Variants in RHOBTB2 observed in about 807,000 individuals in gnomAD.
The protein encoded by RHOBTB2 is Rho related BTB domain containing 2.
A neutral mutation model predicts 66.5 loss-of-function variants in RHOBTB2; 39 were observed. That is an observed-to-expected ratio of 0.59 (90% CI 0.45 to 0.77). The LOEUF is 0.77. Ranked by LOEUF, RHOBTB2 falls within the 30% of genes least tolerant of loss-of-function variation. The pLI, the probability that RHOBTB2 is intolerant of heterozygous loss-of-function variation, is 0.00. For missense variants in RHOBTB2, 755 were observed against 999.1 expected, an observed-to-expected ratio of 0.76 and a Z score of 3.29; for synonymous variants, 390 against 395.0, an observed-to-expected ratio of 0.99 and a Z score of 0.15.
chr8:22,978,993 T>C, the RHOBTB2 span, among the ~76,000 whole-genome samples: 1 of 152,216 alleles, frequency 6.6e-6, no homozygotes, highest in Non-Finnish European at 1.5e-5. Flanking sequence ...TTCCCATCTT[T>C]ATTAGAATCT....
At chr8:22,951,904 A>C in the RHOBTB2 span, among the ~76,000 whole-genome samples, 2 of 152,156 alleles carry the variant, frequency 1.3e-5, no homozygotes, top group Non-Finnish European at 2.9e-5. Flanking sequence ...TGTTTTTAGT[A>C]GAGACAGGGT....
the RHOBTB2 span, among the ~76,000 whole-genome samples, chr8:22,978,596 T>TA: frequency 1.3e-5 from 2 of 151,460 alleles, no homozygotes; most frequent in Admixed American, 6.6e-5. Context: ...TAGTTTTTTT[T>TA]ATGTTTGCAA....
At chr8:22,968,583 G>A in the RHOBTB2 span, among the ~76,000 whole-genome samples, 1 of 152,102 alleles carries the variant, frequency 6.6e-6, no homozygotes, top group South Asian at 2.1e-4. Flanking sequence ...AGTTAATGGA[G>A]TGTAGAGGGG....
At chr8:22,983,986 A>T (rs1810252876), upstream of RHOBTB2, among the ~76,000 whole-genome samples, 1 of 152,150 alleles carries the variant, frequency 6.6e-6, no homozygotes, top group South Asian at 2.1e-4. Flanking sequence ...CACCTGCCTC[A>T]ACCTCCCAAA....
At chr8:22,978,448 C>T in the RHOBTB2 span, among the ~76,000 whole-genome samples, 2 of 148,654 alleles carry the variant, frequency 1.3e-5, no homozygotes, top group African/African-American at 5.0e-5. Context: ...GATGGTGCCA[C>T]TGCACTCCAG....
chr8:22,956,552 A>G, the RHOBTB2 span, among the ~76,000 whole-genome samples: 1 of 152,156 alleles, frequency 6.6e-6, no homozygotes, highest in African/African-American at 2.4e-5. Context: ...AGGCCTCCCC[A>G]GAAGCCAAGC....
chr8:22,956,044 C>G, the RHOBTB2 span, among the ~76,000 whole-genome samples: 3 of 152,204 alleles, frequency 2.0e-5, no homozygotes, highest in Non-Finnish European at 4.4e-5. Context: ...CCCCTCAACC[C>G]ACCCCTGTGA....
upstream of RHOBTB2, chr8:22,994,693 C>A: frequency 2.1e-6 from 3 of 1,426,314 alleles, no homozygotes; most frequent in East Asian, 2.5e-5. Context: ...ATTCATCCAT[C>A]GAGCATTTAT....
intron 9 of RHOBTB2, among the ~76,000 whole-genome samples, chr8:23,016,758 T>C (rs1397664734): frequency 6.6e-6 from 1 of 152,164 alleles, no homozygotes; most frequent in Non-Finnish European, 1.5e-5. Flanking sequence ...CACTCCCTGC[T>C]TCCAGACCTT....
At position 23,005,860 on chromosome 8, in the gene RHOBTB2, C is replaced by T. The variant is rs1810931719; in HGVS notation, c.297-100C>T. 23 of 1,077,236 alleles carry T rather than the reference C, an allele frequency of 2.1e-5. 1 individual carries two copies. The South Asian group carries it at 3.4e-4, about 16-fold the overall frequency. The allele number at this position is 1,077,236 out of a possible 1,614,324, so 66.7% of individuals were successfully genotyped here. On this transcript the variant is annotated intron_variant, in intron 3 of 9. Coordinates refer to ENST00000251822, the MANE Select transcript of RHOBTB2 (RefSeq NM_015178.3). ...AGAGCACGTGAGCAGATACCTAAGC[C>T]AGGTGTGGGACTGTACAGGGCTGGG...
chr8:22,999,658 A>C lies in RHOBTB2; in HGVS notation c.-458A>C, dbSNP rs1384781557. ...CCCTATCCTTTTTTTGTGAATGAAA[A>C]AAGGAGGTCGCGAGCGGTACCTGGG... On this transcript the variant is annotated 5_prime_UTR_variant, in exon 1 of 10. Coordinates refer to ENST00000251822, the MANE Select transcript of RHOBTB2 (RefSeq NM_015178.3). The C allele has an allele frequency of 3.2e-6, 4 of 1,246,982 alleles. No individual in the cohort carries two copies. The Admixed American group carries it at 7.9e-5, about 25-fold the overall frequency. The allele number at this position is 1,246,982 out of a possible 1,614,324, so 77.2% of individuals were successfully genotyped here.
rs577843504 is a variant in RHOBTB2, at chr8:23,008,227, A to G, written c.1620+116A>G. ...CTGACTGTGTGCTAACCACAGGGTG[A>G]TGGGCCCAAGAGAGGTTTATGAGGT... On this transcript the variant is annotated intron_variant, in intron 6 of 9. Transcript: ENST00000251822. 10 of 732,514 alleles carry G rather than the reference A, an allele frequency of 1.4e-5. No individual in the cohort carries two copies. In the African/African-American group the frequency reaches 1.6e-4, roughly 12 times the overall value. The allele number at this position is 732,514 out of a possible 1,614,324, so 45.4% of individuals were successfully genotyped here. A position where few individuals can be genotyped will look rare whatever the true frequency, so the allele number is the denominator to read the frequency against.
In RHOBTB2 at chr8:23,006,211, C is replaced by G; in HGVS notation, c.482+66C>G. ...GCCTCACCATGGCTCCCTGCTCAGC[C>G]CTGGGGGAATTCCACTGAGCCTCAT... On this transcript the variant is annotated intron_variant, in intron 4 of 9. Transcript: ENST00000251822. This position sits in a 1 kb window ranked among gnomAD's most constrained non-coding sequence, Gnocchi z 6.1. 2 of 1,409,330 alleles carry G rather than the reference C, an allele frequency of 1.4e-6. No homozygotes were observed. The highest frequency in any genetic ancestry group is 1.9e-6 in the Non-Finnish European group (2 of 1,026,136). 87.3% of individuals were successfully genotyped at this position (1,409,330 alleles called of 1,614,324 possible).
chr8:22,953,708 G>T, the RHOBTB2 span, among the ~76,000 whole-genome samples: 1 of 152,226 alleles, frequency 6.6e-6, no homozygotes, highest in African/African-American at 2.4e-5. Context: ...AACATTTGTT[G>T]AGTTGAGTGG....
At position 23,007,042 on chromosome 8, in the gene RHOBTB2, C is replaced by T. The variant is rs751694780; in HGVS notation, c.797C>T (p.Ala266Val). The T allele has an allele frequency of 6.2e-6, 10 of 1,609,354 alleles. No homozygotes were observed. The highest frequency in any genetic ancestry group is 3.3e-5 in the South Asian group (3 of 90,754). ...PAHLLEDPLC[A>V]DVILVLQERV... The stretch of plus-strand genomic sequence containing the variant: ...CACCTCCTGGAGGACCCGCTCTGCG[C>T]GGACGTCATCCTGGTGCTGCAGGAG... Residue 266 changes from alanine (A) to valine (V), a missense_variant, in exon 5 of 10, where the codon GCG (alanine) becomes GTG (valine). This residue lies in a region of RHOBTB2 where 247 missense variants were observed against 238.9 expected (regional missense o/e 1.03). Transcript: ENST00000251822.
Position 22,999,994 on chromosome 8 carries a change from T to G in RHOBTB2, c.-122T>G, listed in dbSNP as rs551871648. On this transcript the variant is annotated 5_prime_UTR_variant, in exon 1 of 10. Transcript: ENST00000251822. ...CAGCAGCAGCGCGGCGGCGCCGGCG[T>G]CGTCCCAACTTGCAGGCGCGGAGGG... 7.7e-4 allele frequency: 762 copies of G among 985,564 alleles called. 1 individual carries two copies. The highest frequency in any genetic ancestry group is 3.4e-3 in the Admixed American group (55 of 16,290). 61.1% of individuals were successfully genotyped at this position (985,564 alleles called of 1,614,324 possible). A position where few individuals can be genotyped will look rare whatever the true frequency, so the allele number is the denominator to read the frequency against.
upstream of RHOBTB2, among the ~76,000 whole-genome samples, chr8:22,982,669 G>A (rs963180757): frequency 2.6e-5 from 4 of 152,176 alleles, no homozygotes; most frequent in Non-Finnish European, 5.9e-5. Context: ...GAGACAGAGC[G>A]AGACAACGTC....
upstream of RHOBTB2, among the ~76,000 whole-genome samples, chr8:22,996,561 G>T (rs143675821): frequency 1.8e-5 from 2 of 109,292 alleles, no homozygotes; most frequent in African/African-American, 7.8e-5. Context: ...GTGTGTGTGT[G>T]TGTGTGTCTG....
chr8:23,002,811 A>G (rs1402023710), intron 1 of RHOBTB2, among the ~76,000 whole-genome samples: 1 of 152,236 alleles, frequency 6.6e-6, no homozygotes, highest in Non-Finnish European at 1.5e-5. Flanking sequence ...AAGGGTCCAG[A>G]TCCTGTAACA....
Sources: gnomAD v4.1 joint callset for allele counts (sites outside exome capture counted in the v4.1 genomes callset) on GRCh38, gnomAD v4.1.1 for gene constraint, gnomAD v4.1.1 regional missense constraint, Gnocchi (gnomAD v3.1) non-coding constraint, MANE v1.5 for transcripts, NCBI Gene and HGNC (gene_info 2026-07-23, HGNC 2026-07-21) for gene names.